The following PRKCQ variants were observed in gnomAD, a reference collection of about 807,000 sequenced individuals.
PRKCQ encodes the protein protein kinase C theta, also known as protein kinase C theta type.
Under a neutral mutation model 91.2 loss-of-function variants are expected in PRKCQ, and 41 were observed. That is an observed-to-expected ratio of 0.45 (90% confidence interval 0.35 to 0.58). PRKCQ has a LOEUF of 0.58. Among genes scored for constraint, PRKCQ ranks in the 20% least tolerant of loss-of-function variants. The pLI, the probability that PRKCQ is intolerant of heterozygous loss-of-function variation, is 0.00. For missense variants in PRKCQ, 673 were observed against 896.5 expected, an observed-to-expected ratio of 0.75 and a Z score of 3.18; for synonymous variants, 307 against 316.9, an observed-to-expected ratio of 0.97 and a Z score of 0.33.
intron 12 of PRKCQ, among the ~76,000 whole-genome samples, chr10:6,473,669 C>T (rs1379106341): frequency 6.6e-6 from 1 of 152,184 alleles, no homozygotes; most frequent in East Asian, 1.9e-4. Context: ...TTCTTTGCTA[C>T]AATTGTGGTA....
intron 1 of PRKCQ, among the ~76,000 whole-genome samples, chr10:6,564,473 G>A (rs943450): frequency 0.71 from 107,113 of 151,890 alleles, 41,487 homozygotes; most frequent in East Asian, 0.96. Flanking sequence ...TGCCTGGCCC[G>A]TGACCTGTTT....
chr10:6,554,902 C>T (rs1429000777), intron 1 of PRKCQ, among the ~76,000 whole-genome samples: 4 of 152,048 alleles, frequency 2.6e-5, no homozygotes, highest in Non-Finnish European at 5.9e-5. Flanking sequence ...CCTAGATGCT[C>T]ATAAGGAAAA....
chr10:6,544,626 CTTT>C (rs542982533), intron 1 of PRKCQ, among the ~76,000 whole-genome samples: 1 of 141,526 alleles, frequency 7.1e-6, no homozygotes, highest in African/African-American at 2.6e-5. Flanking sequence ...ACCCCACACT[CTTT>C]TTTTTTTTTT....
chr10:6,496,093 G>A (rs374432789), intron 7 of PRKCQ, among the ~76,000 whole-genome samples: 8 of 151,920 alleles, frequency 5.3e-5, no homozygotes, highest in African/African-American at 9.7e-5. Context: ...GCATATGCCC[G>A]TAATCCCAGC....
chr10:6,575,645 G>A (rs1395412262), intron 1 of PRKCQ, among the ~76,000 whole-genome samples: 1 of 152,188 alleles, frequency 6.6e-6, no homozygotes, highest in East Asian at 1.9e-4. Flanking sequence ...ATGAACTCAG[G>A]AGTAGCATCA....
chr10:6,538,917 C>T (rs192983592), intron 1 of PRKCQ, among the ~76,000 whole-genome samples: 4 of 152,258 alleles, frequency 2.6e-5, no homozygotes, highest in East Asian at 1.9e-4. Context: ...GTGCGCCCCA[C>T]CACGCCCAGC....
At chr10:6,445,121 C>CAAAAAAAAA (rs61291267) in intron 15 of PRKCQ, among the ~76,000 whole-genome samples, 2 of 105,412 alleles carry the variant, frequency 1.9e-5, no homozygotes, top group African/African-American at 4.4e-5. Context: ...AAGACTCTGT[C>CAAAAAAAAA]AAAAAAAAAA....
chr10:6,494,983 G>C (rs573695957), intron 7 of PRKCQ, among the ~76,000 whole-genome samples: 6 of 152,154 alleles, frequency 3.9e-5, no homozygotes, highest in Non-Finnish European at 1.5e-5. Flanking sequence ...CACACTGCTC[G>C]GCCTCGGGCA....
the PRKCQ span, among the ~76,000 whole-genome samples, chr10:6,410,600 T>G: frequency 0.01 from 1,546 of 152,218 alleles, 31 homozygotes; most frequent in African/African-American, 0.035. Context: ...CCTGGGGGTG[T>G]TGGTGGTGGG....
intron 1 of PRKCQ, among the ~76,000 whole-genome samples, chr10:6,539,772 G>C (rs1273405948): frequency 2.0e-5 from 3 of 152,114 alleles, no homozygotes; most frequent in African/African-American, 7.2e-5. Context: ...ACTCATCAGC[G>C]CAGCACTCTG....
At chr10:6,434,262 G>A (rs1401800695) in intron 16 of PRKCQ, among the ~76,000 whole-genome samples, 1 of 152,158 alleles carries the variant, frequency 6.6e-6, no homozygotes. Flanking sequence ...GCCCTGGGCC[G>A]TGTGTGCTGC....
the PRKCQ span, among the ~76,000 whole-genome samples, chr10:6,409,397 C>T: frequency 0.016 from 2,365 of 152,246 alleles, 70 homozygotes; most frequent in African/African-American, 0.054. Context: ...CAGGTTCAAG[C>T]GACTCTTCTG....
intron 1 of PRKCQ, among the ~76,000 whole-genome samples, chr10:6,537,425 G>A (rs1839624864): frequency 6.6e-6 from 1 of 152,136 alleles, no homozygotes; most frequent in Non-Finnish European, 1.5e-5. Context: ...GTGGAAATGG[G>A]CTCAGAGAGG....
At chr10:6,445,416 C>G (rs1834228592) in intron 15 of PRKCQ, among the ~76,000 whole-genome samples, 1 of 152,164 alleles carries the variant, frequency 6.6e-6, no homozygotes, top group African/African-American at 2.4e-5. Context: ...GGCTCTACTT[C>G]TGGCTTAATC....
At chr10:6,477,168 C>A (rs1024508118) in intron 12 of PRKCQ, among the ~76,000 whole-genome samples, 1 of 152,208 alleles carries the variant, frequency 6.6e-6, no homozygotes, top group Middle Eastern at 3.2e-3. Flanking sequence ...ATTCCTCTTT[C>A]TAGTTTCTCT....
At chr10:6,551,110 C>T (rs1195256178) in intron 1 of PRKCQ, among the ~76,000 whole-genome samples, 1 of 152,060 alleles carries the variant, frequency 6.6e-6, no homozygotes, top group Non-Finnish European at 1.5e-5. Context: ...AGGTACTAAG[C>T]CTGGTACCTA....
intron 17 of PRKCQ, among the ~76,000 whole-genome samples, chr10:6,429,372 C>G (rs1833289737): frequency 6.6e-6 from 1 of 152,214 alleles, no homozygotes; most frequent in African/African-American, 2.4e-5. Flanking sequence ...AGATGTGGTT[C>G]TGTCACAAGT....
chr10:6,475,556 C>T (rs1030643019), intron 12 of PRKCQ, among the ~76,000 whole-genome samples: 5 of 152,158 alleles, frequency 3.3e-5, no homozygotes, highest in African/African-American at 4.8e-5. Flanking sequence ...TCAACAGGTG[C>T]GCTCTTTGGA....
chr10:6,483,615 TG>T lies in PRKCQ; in HGVS notation c.1019-16del, dbSNP rs1234676584. 3.1e-6 allele frequency: 5 copies of T among 1,612,762 alleles called. No individual in the cohort carries two copies. The African/African-American group carries it at 5.4e-5, about 17-fold the overall frequency. The stretch of plus-strand genomic sequence containing the variant: ...GCCCTGAGGCTCTGAAAATGCAAGC[TG>T]GTGGTTAAAAATGAACATGGAGTAA... On this transcript the variant is annotated splice_polypyrimidine_tract_variant and intron_variant, in intron 10 of 17. Transcript: ENST00000263125.
Sources: gnomAD v4.1 joint callset for allele counts (sites outside exome capture counted in the v4.1 genomes callset) on GRCh38, gnomAD v4.1.1 for gene constraint, MANE v1.5 for transcripts, NCBI Gene and HGNC (gene_info 2026-07-23, HGNC 2026-07-21) for gene names.